Variants in OR4K1 observed in about 807,000 individuals in gnomAD.
OR4K1 encodes olfactory receptor 4K1.
Under a neutral mutation model 14.4 loss-of-function variants are expected in OR4K1, and 16 were observed. That is an observed-to-expected ratio of 1.11 (90% CI 0.75 to 1.68). The LOEUF (loss-of-function observed/expected upper bound fraction) is 1.68, where lower values mean the gene tolerates loss of function less well. OR4K1 is among the 40% of genes most tolerant of loss of function. The pLI, the probability that OR4K1 is intolerant of heterozygous loss-of-function variation, is 0.00. For missense variants in OR4K1, 548 were observed against 376.9 expected (o/e 1.45, Z -3.76); for synonymous variants, 181 against 133.1 (o/e 1.36, Z -2.48).
chr14:19,920,970 A>G, the OR4K1 span: 4 of 1,614,174 alleles, frequency 2.5e-6, no homozygotes, highest in Non-Finnish European at 2.5e-6. Context: ...GGCCTATGAC[A>G]GGTATGTAGC....
In OR4K1 at chr14:19,931,114, GA is replaced by G. The variant is rs1280848342; in HGVS notation, c.-49del. The stretch of plus-strand genomic sequence containing the variant: ...GACACCAAACTGGGAAAATAAGGAA[GA>G]AGTGAAAGACTTGGACAACTTTTTC... On this transcript the variant is annotated 5_prime_UTR_variant, in exon 1 of 2. The change creates a premature stop within an existing upstream ORF in the 5' untranslated region. Coordinates refer to ENST00000641172, the MANE Select transcript of OR4K1 (RefSeq NM_001004063.3). 1 of 152,320 alleles carries G rather than the reference GA, an allele frequency of 6.6e-6. No individual in the cohort carries two copies. Among genetic ancestry groups the G allele is most frequent in the Non-Finnish European group, 1.5e-5 (1 of 68,092 alleles). The allele number at this position is 152,320 out of a possible 1,614,324, so 9.4% of individuals were successfully genotyped here. A position where few individuals can be genotyped will look rare whatever the true frequency, so the allele number is the denominator to read the frequency against.
In OR4K1 at chr14:19,935,972, C is replaced by T. The variant is rs772261875; in HGVS notation, c.306C>T (p.Phe102=). ...TTGAGGGTTGCATGGCCCAGATATT[C>T]GTTCTTCACAGTTTTGTTGGGAGTG... The part of the protein sequence containing the change: ...ISFEGCMAQI[F]VLHSFVGSEM... The change falls in exon 2 of 2, where the codon TTC becomes TTT. Residue 102 remains phenylalanine (F), a synonymous_variant. Transcript: ENST00000641172. The T allele has an allele frequency of 2.8e-5, 45 of 1,614,084 alleles. No homozygotes were observed. The highest frequency in any genetic ancestry group is 4.5e-5 in the East Asian group (2 of 44,900).
chr14:19,920,894 C>T, the OR4K1 span: 6 of 1,614,176 alleles, frequency 3.7e-6, no homozygotes, highest in East Asian at 1.3e-4. Flanking sequence ...CTTTCAGTGG[C>T]TGCATAGCCC....
chr14:19,934,675 A>AT (rs34941850), intron 1 of OR4K1, among the ~76,000 whole-genome samples: 22,061 of 146,222 alleles, frequency 0.15, 1,771 homozygotes, highest in East Asian at 0.49. Context: ...TTCTTTTAAC[A>AT]TTTTTTTTTT....
At chr14:19,934,132 G>A (rs1253133951) in intron 1 of OR4K1, among the ~76,000 whole-genome samples, 3 of 152,190 alleles carry the variant, frequency 2.0e-5, no homozygotes, top group East Asian at 1.9e-4. Context: ...AACATGGAGG[G>A]GTGCAGAGCT....
intron 1 of OR4K1, among the ~76,000 whole-genome samples, chr14:19,934,652 C>A (rs1594455748): frequency 6.6e-6 from 1 of 151,812 alleles, no homozygotes; most frequent in South Asian, 2.1e-4. Context: ...CTATCATTTT[C>A]TTTTCTTTTT....
At chr14:19,926,734 G>A (rs568971543), upstream of OR4K1, among the ~76,000 whole-genome samples, 72 of 152,320 alleles carry the variant, frequency 4.7e-4, no homozygotes, top group African/African-American at 1.7e-3. Flanking sequence ...CTGGTCTTCA[G>A]TGCAAACTGC....
At chr14:19,921,363 C>T in the OR4K1 span, 3 of 1,614,132 alleles carry the variant, frequency 1.9e-6, no homozygotes, top group South Asian at 1.1e-5. Context: ...ATTCTTTGGA[C>T]CTTGCATCTT....
chr14:19,920,627 A>T, the OR4K1 span: 2 of 1,610,082 alleles, frequency 1.2e-6, no homozygotes, highest in Non-Finnish European at 1.7e-6. Flanking sequence ...CCAATTCTTC[A>T]GTGGTGTCTG....
At position 19,936,102 on chromosome 14, in the gene OR4K1, T is replaced by G. The variant is rs1165994322; in HGVS notation, c.436T>G (p.Ser146Ala). 1 of 1,614,120 alleles carries G rather than the reference T, an allele frequency of 6.2e-7. No homozygotes were observed. Among genetic ancestry groups the G allele is most frequent in the Non-Finnish European group, 8.5e-7 (1 of 1,180,042 alleles). ...MNRRLCVIFV[S>A]ISWAVGVLHS... is the part of the protein sequence containing the mutation. ...CCGGAGGCTCTGTGTAATTTTTGTG[T>G]CTATTTCCTGGGCGGTGGGCGTTCT... The change falls in exon 2 of 2, where the codon TCT (serine) becomes GCT (alanine). Residue 146 changes from serine to alanine, a missense_variant. By Grantham distance (99) the Ser-to-Ala change is moderately conservative. Coordinates refer to ENST00000641172, the MANE Select transcript of OR4K1 (RefSeq NM_001004063.3).
chr14:19,922,856 G>A, the OR4K1 span, among the ~76,000 whole-genome samples: 1 of 152,246 alleles, frequency 6.6e-6, no homozygotes, highest in South Asian at 2.1e-4. Flanking sequence ...CATTTCAAGA[G>A]TGTTGTAAAA....
At chr14:19,932,482 G>T (rs910978111) in intron 1 of OR4K1, among the ~76,000 whole-genome samples, 1 of 152,082 alleles carries the variant, frequency 6.6e-6, no homozygotes, top group African/African-American at 2.4e-5. Flanking sequence ...AAGTGACATC[G>T]CCATTTCACA....
At chr14:19,924,156 T>C in the OR4K1 span, among the ~76,000 whole-genome samples, 1 of 152,142 alleles carries the variant, frequency 6.6e-6, no homozygotes, top group Admixed American at 6.5e-5. Flanking sequence ...ATCCTAGCAC[T>C]TTGGGAGGCC....
chr14:19,936,459 C>T lies in OR4K1; in HGVS notation c.793C>T (p.Leu265Phe). 1 of 1,614,056 alleles carries T rather than the reference C, an allele frequency of 6.2e-7. No individual in the cohort carries two copies. Among genetic ancestry groups the T allele is most frequent in the Non-Finnish European group, 8.5e-7 (1 of 1,180,032 alleles). Residue 265 changes from leucine (L) to phenylalanine (F), a missense_variant, in exon 2 of 2, where the codon CTT (leucine) becomes TTT (phenylalanine). Transcript: ENST00000641172. ...TTTCTATATATGGCCTTTTAGCAGA[C>T]TTCCTGTGGACAAATTTCTTTCTGT... ...IYFYIWPFSR[L>F]PVDKFLSVFY...
At chr14:19,921,133 G>C in the OR4K1 span, 18 of 1,614,160 alleles carry the variant, frequency 1.1e-5, no homozygotes, top group Non-Finnish European at 1.5e-5. Context: ...GTAGTAGACA[G>C]CTTTTTTTGT....
chr14:19,926,516 A>G (rs1413076583), upstream of OR4K1, among the ~76,000 whole-genome samples: 5 of 152,248 alleles, frequency 3.3e-5, no homozygotes, highest in Non-Finnish European at 1.5e-5. Context: ...GTTGAGTCCA[A>G]TACGCTAGGG....
rs758287999 is a variant in OR4K1 at position 19,936,086 on chromosome 14, C to T, written c.420C>T (p.Leu140=). The change falls in exon 2 of 2, where the codon CTC becomes CTT. Residue 140 remains leucine, a synonymous_variant. Transcript: ENST00000641172. ...ACAGTACAATTATGAACCGGAGGCTCTGTGTAATTTTTGTGTCTATTTCCT... is the reference window on the plus strand; with the variant it reads ...ACAGTACAATTATGAACCGGAGGCTTTGTGTAATTTTTGTGTCTATTTCCT... ...LHYSTIMNRR[L]CVIFVSISWA... The T allele has an allele frequency of 1.1e-5, 18 of 1,614,216 alleles. No homozygotes were observed. The Admixed American group carries it at 3.0e-4, about 27-fold the overall frequency.
chr14:19,921,555 G>A, the OR4K1 span: 3 of 1,612,094 alleles, frequency 1.9e-6, no homozygotes, highest in Non-Finnish European at 2.5e-6. Context: ...AATGTCACTA[G>A]TAGTGAGAAC....
At chr14:19,923,505 T>C in the OR4K1 span, among the ~76,000 whole-genome samples, 1 of 152,230 alleles carries the variant, frequency 6.6e-6, no homozygotes, top group Non-Finnish European at 1.5e-5. Context: ...AAGATATTTA[T>C]TATATTCATT....
Sources: gnomAD v4.1 joint callset for allele counts (sites outside exome capture counted in the v4.1 genomes callset) on GRCh38, gnomAD v4.1.1 for gene constraint, MANE v1.5 for transcripts, NCBI Gene and HGNC (gene_info 2026-07-23, HGNC 2026-07-21) for gene names.